The following SLC25A21 variants were observed in gnomAD, a reference collection of about 807,000 sequenced individuals.
SLC25A21 encodes mitochondrial 2-oxodicarboxylate carrier.
A neutral mutation model predicts 43.8 loss-of-function variants in SLC25A21; 47 were observed. The observed-to-expected ratio is 1.07, with a 90% confidence interval of 0.85 to 1.37. SLC25A21 has a LOEUF of 1.37. Ranked by LOEUF, SLC25A21 falls within the 40% of genes most tolerant of loss-of-function variation. SLC25A21 has a pLI of 0.00. For synonymous variants in SLC25A21, 131 were observed against 121.3 expected (o/e 1.08, Z -0.52); for missense variants, 352 against 350.2 (o/e 1.00, Z -0.04).
intron 1 of SLC25A21, among the ~76,000 whole-genome samples, chr14:37,013,938 A>G (rs1459157143): frequency 1.3e-5 from 2 of 152,174 alleles, no homozygotes; most frequent in Non-Finnish European, 2.9e-5. Context: ...GTAGCAGGCT[A>G]TATATTCTAT....
chr14:37,161,429 G>A (rs929888411), intron 1 of SLC25A21, among the ~76,000 whole-genome samples: 2 of 152,098 alleles, frequency 1.3e-5, no homozygotes, highest in Non-Finnish European at 2.9e-5. Context: ...CTTGAGATAT[G>A]GACCATAAAT....
intron 1 of SLC25A21, among the ~76,000 whole-genome samples, chr14:36,983,920 A>G (rs1322634561): frequency 6.6e-6 from 1 of 152,188 alleles, no homozygotes; most frequent in Non-Finnish European, 1.5e-5. Flanking sequence ...GTTCTCACTT[A>G]TAAGTGAGAA....
At chr14:37,123,018 C>G (rs1963237002) in intron 1 of SLC25A21, among the ~76,000 whole-genome samples, 1 of 152,144 alleles carries the variant, frequency 6.6e-6, no homozygotes, top group Non-Finnish European at 1.5e-5. Flanking sequence ...AACGTACGCT[C>G]TATGAATGCT....
At chr14:36,854,118 C>G (rs1889826955) in intron 2 of SLC25A21, among the ~76,000 whole-genome samples, 1 of 152,190 alleles carries the variant, frequency 6.6e-6, no homozygotes, top group Admixed American at 6.5e-5. Context: ...CTATTTGATA[C>G]CAGGCACAGT....
intron 3 of SLC25A21, among the ~76,000 whole-genome samples, chr14:36,768,044 C>T (rs1243798993): frequency 2.6e-5 from 4 of 152,212 alleles, no homozygotes; most frequent in Non-Finnish European, 4.4e-5. Flanking sequence ...AAAAACATGT[C>T]GCTGCCTGCA....
intron 2 of SLC25A21, among the ~76,000 whole-genome samples, chr14:36,867,448 G>A (rs748873099): frequency 6.6e-6 from 1 of 152,038 alleles, no homozygotes; most frequent in Non-Finnish European, 1.5e-5. Flanking sequence ...CCTCCTGAAG[G>A]CCAGGCATGG....
At chr14:37,080,361 A>G (rs1193851515) in intron 1 of SLC25A21, among the ~76,000 whole-genome samples, 1 of 152,160 alleles carries the variant, frequency 6.6e-6, no homozygotes, top group Admixed American at 6.5e-5. Flanking sequence ...GGGAGGCTGA[A>G]GCTGGCAGAT....
At chr14:36,766,107 C>G (rs1429102414) in intron 3 of SLC25A21, among the ~76,000 whole-genome samples, 1 of 151,854 alleles carries the variant, frequency 6.6e-6, no homozygotes, top group Non-Finnish European at 1.5e-5. Flanking sequence ...CCTGCAATAG[C>G]CTATAGTTTA....
intron 1 of SLC25A21, among the ~76,000 whole-genome samples, chr14:37,065,448 A>G (rs1165504514): frequency 6.6e-6 from 1 of 152,190 alleles, no homozygotes; most frequent in Non-Finnish European, 1.5e-5. Flanking sequence ...TCAATTGTAG[A>G]CCTCTCAGGC....
intron 3 of SLC25A21, among the ~76,000 whole-genome samples, chr14:36,776,602 C>T (rs1886844786): frequency 6.6e-6 from 1 of 152,006 alleles, no homozygotes. Flanking sequence ...AAGATTGATG[C>T]CTCCCCAACT....
intron 2 of SLC25A21, among the ~76,000 whole-genome samples, chr14:36,850,708 T>G (rs1194893927): frequency 6.6e-6 from 1 of 152,218 alleles, no homozygotes; most frequent in Non-Finnish European, 1.5e-5. Flanking sequence ...TCTACAGATC[T>G]CTTGATCTGT....
rs144603484 is a variant in SLC25A21, at chr14:36,746,974, CCAGATAA to C, written c.204-12408_204-12402del. On this transcript the variant is annotated intron_variant, in intron 3 of 9. Transcript: ENST00000331299. ...TTATAGGTCTGACACATAGTAACACCCAGATAACATTATATTAAATGCATATATGCAC... is the reference window on the plus strand; with the variant it reads ...TTATAGGTCTGACACATAGTAACACCCATTATATTAAATGCATATATGCAC... Among the ~76,000 whole-genome samples the C allele has an allele frequency of 6.7e-3, 1,023 of 152,108 alleles. 11 individuals carry two copies. Among genetic ancestry groups the C allele is most frequent in the African/African-American group, 0.023 (952 of 41,472 alleles).
rs142572619 is a variant in SLC25A21 at position 37,153,901 on chromosome 14, A to T, written c.70+18380T>A. Among the ~76,000 whole-genome samples, 417 of 152,204 alleles carry T rather than the reference A, an allele frequency of 2.7e-3. 1 individual carries two copies. The highest frequency in any genetic ancestry group is 9.5e-3 in the African/African-American group (394 of 41,544). On this transcript the variant is annotated intron_variant, in intron 1 of 9. Transcript: ENST00000331299. The stretch of plus-strand genomic sequence containing the variant: ...GAGACTTCCCCACCCAGCACATCAC[A>T]TCTACTGTCAACATGAACACACACC...
chr14:36,841,269 A>T (rs534790861), intron 2 of SLC25A21, among the ~76,000 whole-genome samples: 149 of 152,376 alleles, frequency 9.8e-4, no homozygotes, highest in Non-Finnish European at 8.8e-4. Flanking sequence ...ACACAAAAGT[A>T]TATAATTCAG....
At chr14:36,981,986 A>G (rs2138700764) in intron 1 of SLC25A21, among the ~76,000 whole-genome samples, 1 of 152,342 alleles carries the variant, frequency 6.6e-6, no homozygotes, top group Admixed American at 6.5e-5. Flanking sequence ...TCATGCACAC[A>G]ACACGCTTAA....
chr14:36,757,620 C>T (rs896394685), intron 3 of SLC25A21, among the ~76,000 whole-genome samples: 1 of 152,170 alleles, frequency 6.6e-6, no homozygotes, highest in South Asian at 2.1e-4. Context: ...CTTTTCATAG[C>T]TGTCTTGTAT....
intron 3 of SLC25A21, among the ~76,000 whole-genome samples, chr14:36,781,709 C>T (rs1214611687): frequency 2.0e-5 from 3 of 152,062 alleles, no homozygotes; most frequent in Non-Finnish European, 4.4e-5. Context: ...ATAATAATTG[C>T]AGTTATAGTT....
chr14:37,044,305 G>A (rs989210395), intron 1 of SLC25A21, among the ~76,000 whole-genome samples: 1 of 151,698 alleles, frequency 6.6e-6, no homozygotes, highest in Non-Finnish European at 1.5e-5. Flanking sequence ...TATAATCTTA[G>A]GTTACCAATA....
chr14:37,068,700 T>C (rs1331589138), intron 1 of SLC25A21, among the ~76,000 whole-genome samples: 3 of 152,176 alleles, frequency 2.0e-5, no homozygotes, highest in African/African-American at 7.2e-5. Context: ...TAGTACTCAA[T>C]TGAAGAATGT....
Sources: allele counts gnomAD v4.1 joint callset (sites outside exome capture counted in the v4.1 genomes callset), GRCh38; gene constraint gnomAD v4.1.1; transcripts MANE v1.5; gene names NCBI Gene and HGNC (gene_info 2026-07-23, HGNC 2026-07-21).